ADAM29: variants seen among roughly 807,000 people sequenced by gnomAD.
The protein encoded by ADAM29 is ADAM metallopeptidase domain 29, also known as disintegrin and metalloproteinase domain-containing protein 29.
For synonymous variants in ADAM29, 367 were observed against 342.3 expected, an observed-to-expected ratio of 1.07 and a Z score of -0.80; for missense variants, 969 against 1,001.8, an observed-to-expected ratio of 0.97 and a Z score of 0.44.
At chr4:174,942,433 C>A (rs975269847) in intron 4 of ADAM29, among the ~76,000 whole-genome samples, 17 of 152,168 alleles carry the variant, frequency 1.1e-4, no homozygotes, top group African/African-American at 3.6e-4. Flanking sequence ...TACGTAGAGG[C>A]TCCCAAAGTT....
intron 4 of ADAM29, among the ~76,000 whole-genome samples, chr4:174,940,974 T>C (rs970316294): frequency 4.6e-5 from 7 of 152,248 alleles, no homozygotes; most frequent in East Asian, 1.9e-4. Context: ...ATCATTAAGT[T>C]TTTATGATTA....
chr4:174,969,987 T>A (rs769381512), intron 4 of ADAM29, among the ~76,000 whole-genome samples: 11 of 152,086 alleles, frequency 7.2e-5, no homozygotes, highest in Non-Finnish European at 1.0e-4. Context: ...CTATATTCTG[T>A]ATTAGAAGGC....
intron 4 of ADAM29, among the ~76,000 whole-genome samples, chr4:174,952,142 T>C (rs1745214152): frequency 6.6e-6 from 1 of 152,182 alleles, no homozygotes; most frequent in Non-Finnish European, 1.5e-5. Flanking sequence ...ATATGCATTT[T>C]AATGTATTAA....
Position 174,947,132 on chromosome 4 carries a change from C to G in ADAM29, c.-181+10119C>G, listed in dbSNP as rs955861479. On this transcript the variant is annotated intron_variant, in intron 4 of 4. Coordinates refer to ENST00000359240, the MANE Select transcript of ADAM29 (RefSeq NM_014269.4). ...TCATTGGGCTTATTTGGATCTCTCT[C>G]TCTCTCTCTTTTATTAGTCTATCTA... Among the ~76,000 whole-genome samples the G allele has an allele frequency of 5.9e-5, 9 of 151,970 alleles. No individual in the cohort carries two copies. In the East Asian group the frequency reaches 1.7e-3, roughly 29 times the overall value.
At chr4:174,974,212 G>T (rs1434930991) in intron 4 of ADAM29, among the ~76,000 whole-genome samples, 2 of 152,216 alleles carry the variant, frequency 1.3e-5, no homozygotes, top group African/African-American at 4.8e-5. Context: ...AACTCCCCAT[G>T]TCTTTGCCGA....
chr4:174,954,873 T>C (rs1745408251), intron 4 of ADAM29, among the ~76,000 whole-genome samples: 1 of 152,190 alleles, frequency 6.6e-6, no homozygotes. Context: ...AAATGCTCTA[T>C]TTCTAGTATA....
At chr4:174,954,233 T>A (rs1745360029) in intron 4 of ADAM29, among the ~76,000 whole-genome samples, 1 of 152,300 alleles carries the variant, frequency 6.6e-6, no homozygotes, top group Non-Finnish European at 1.5e-5. Context: ...TTCCCTAAAT[T>A]CTTATAATCA....
chr4:174,952,211 G>T (rs1745218831), intron 4 of ADAM29, among the ~76,000 whole-genome samples: 1 of 151,822 alleles, frequency 6.6e-6, no homozygotes, highest in Non-Finnish European at 1.5e-5. Flanking sequence ...ATCAACATTT[G>T]ACATGAGGGC....
At chr4:174,953,172 G>A (rs11133068) in intron 4 of ADAM29, among the ~76,000 whole-genome samples, 63,499 of 151,784 alleles carry the variant, frequency 0.42, 13,831 homozygotes, top group African/African-American at 0.53. Flanking sequence ...TGTAGTCCCA[G>A]CTACTTGGGA....
chr4:174,958,582 T>C (rs1392945313), intron 4 of ADAM29, among the ~76,000 whole-genome samples: 1 of 151,808 alleles, frequency 6.6e-6, no homozygotes, highest in African/African-American at 2.4e-5. Context: ...GTAATTTATC[T>C]AGGCTAATAA....
chr4:174,921,773 G>A (rs1743179841), intron 2 of ADAM29, among the ~76,000 whole-genome samples: 1 of 152,062 alleles, frequency 6.6e-6, no homozygotes, highest in Admixed American at 6.5e-5. Flanking sequence ...AACTGCTACA[G>A]GAAATACCTG....
intron 4 of ADAM29, among the ~76,000 whole-genome samples, chr4:174,946,182 A>G (rs570223188): frequency 6.6e-6 from 1 of 152,178 alleles, no homozygotes; most frequent in South Asian, 2.1e-4. Flanking sequence ...AGTGTTATGT[A>G]ATTCTCATGG....
At chr4:174,957,399 G>A (rs1745565451) in intron 4 of ADAM29, among the ~76,000 whole-genome samples, 1 of 151,818 alleles carries the variant, frequency 6.6e-6, no homozygotes, top group East Asian at 1.9e-4. Context: ...GTACCCAGTT[G>A]GATAAAATAT....
intron 4 of ADAM29, among the ~76,000 whole-genome samples, chr4:174,952,272 A>G (rs888675944): frequency 6.6e-6 from 1 of 151,954 alleles, no homozygotes; most frequent in African/African-American, 2.4e-5. Flanking sequence ...AGCTGCTGCG[A>G]TGATGGCTGT....
At chr4:174,961,318 AT>A (rs1322800571) in intron 4 of ADAM29, among the ~76,000 whole-genome samples, 1 of 151,256 alleles carries the variant, frequency 6.6e-6, no homozygotes, top group Non-Finnish European at 1.5e-5. Flanking sequence ...ATTATTCATT[AT>A]ATAGTTGATA....
intron 4 of ADAM29, among the ~76,000 whole-genome samples, chr4:174,971,073 T>C (rs1239778378): frequency 6.6e-6 from 1 of 152,152 alleles, no homozygotes; most frequent in African/African-American, 2.4e-5. Flanking sequence ...TTTTAACATA[T>C]TTTATTTCTT....
chr4:174,940,719 C>T (rs563075613), intron 4 of ADAM29, among the ~76,000 whole-genome samples: 1 of 152,110 alleles, frequency 6.6e-6, no homozygotes, highest in Admixed American at 6.5e-5. Flanking sequence ...TAAAACAGGG[C>T]TTATAAGACC....
chr4:174,968,768 C>A (rs1342961063), intron 4 of ADAM29, among the ~76,000 whole-genome samples: 1 of 101,042 alleles, frequency 9.9e-6, no homozygotes, highest in African/African-American at 4.7e-5. Context: ...TGCCACTTTC[C>A]GCCCACACAC....
At chr4:174,974,410 C>A (rs1314936764) in intron 4 of ADAM29, among the ~76,000 whole-genome samples, 1 of 152,158 alleles carries the variant, frequency 6.6e-6, no homozygotes, top group African/African-American at 2.4e-5. Context: ...GGTCACTAGT[C>A]AGAATTTTTC....
Sources: gnomAD v4.1 joint callset for allele counts (sites outside exome capture counted in the v4.1 genomes callset) on GRCh38, gnomAD v4.1.1 for gene constraint, MANE v1.5 for transcripts, NCBI Gene and HGNC (gene_info 2026-07-23, HGNC 2026-07-21) for gene names.